The following KCNT1 variants were observed in gnomAD, a reference collection of about 807,000 sequenced individuals.
The protein encoded by KCNT1 is potassium channel subfamily T member 1.
KCNT1 carries 78 observed loss-of-function variants against 147.8 expected under a neutral mutation model. The observed-to-expected ratio is 0.53, with a 90% CI of 0.44 to 0.64. KCNT1 has a LOEUF of 0.64. Among genes scored for constraint, KCNT1 ranks in the 30% least tolerant of loss-of-function variants. The pLI, the probability that KCNT1 is intolerant of heterozygous loss-of-function variation, is 0.00. For missense variants in KCNT1, 1,419 were observed against 1,750.3 expected, an observed-to-expected ratio of 0.81 and a Z score of 3.38; for synonymous variants, 867 against 748.8, an observed-to-expected ratio of 1.16 and a Z score of -2.58.
rs2131418622 is a variant in KCNT1, at chr9:135,752,853, T to A, written c.435-1084T>A. 7.0e-6 allele frequency among the ~76,000 whole-genome samples: 1 copy of A among 142,454 alleles called. No homozygotes were observed. The highest frequency in any genetic ancestry group is 2.3e-4 in the South Asian group (1 of 4,336). The allele number at this position is 142,454 out of a possible 152,430, so 93.5% of individuals were successfully genotyped here. ...GATGTTGGATGGAGGGATGAGTGAA[T>A]GGGTGGAGGGATGAGTGGATGGATG... On this transcript the variant is annotated intron_variant, in intron 4 of 30. Transcript: ENST00000371757. The surrounding 1 kb of genome is among the most constrained non-coding windows in gnomAD (Gnocchi z 5.1).
intron 18 of KCNT1, among the ~76,000 whole-genome samples, chr9:135,772,259 AG>A: frequency 6.6e-6 from 1 of 152,148 alleles, no homozygotes; most frequent in Non-Finnish European, 1.5e-5. Flanking sequence ...CCATACCTAG[AG>A]GTCCACAACC....
At chr9:135,751,488 G>A (rs898591701) in intron 4 of KCNT1, among the ~76,000 whole-genome samples, 6 of 152,086 alleles carry the variant, frequency 3.9e-5, no homozygotes, top group African/African-American at 1.2e-4. Flanking sequence ...AGGGCCCATC[G>A]TCCTGGGGCC....
At chr9:135,704,776 C>T (rs1054475411) in intron 1 of KCNT1, among the ~76,000 whole-genome samples, 2 of 152,248 alleles carry the variant, frequency 1.3e-5, no homozygotes, top group African/African-American at 4.8e-5. Context: ...CTGGCCAGCC[C>T]TCCAGGCCCA....
intron 18 of KCNT1, 88 bp from the exon 19 acceptor site, chr9:135,772,627 A>C: frequency 1.0e-6 from 1 of 992,182 alleles, no homozygotes; most frequent in South Asian, 2.6e-5. Context: ...GGGTCTCCAG[A>C]GCTGACTGTG....
rs544546168 is a variant in KCNT1 at position 135,739,600 on chromosome 9, C to T, written c.255-10498C>T. Among the ~76,000 whole-genome samples, 28 of 152,232 alleles carry T rather than the reference C, an allele frequency of 1.8e-4. No individual in the cohort carries two copies. In the East Asian group the frequency reaches 4.3e-3, roughly 23 times the overall value. ...CCTCTTCATGGTGTTCACACCGGCTCGGCACACCCCTTCCCCTGGGCCTGA... is the reference window on the plus strand; with the variant it reads ...CCTCTTCATGGTGTTCACACCGGCTTGGCACACCCCTTCCCCTGGGCCTGA... On this transcript the variant is annotated intron_variant, in intron 2 of 30. Transcript: ENST00000371757.
At chr9:135,784,174 G>A (rs765910523) in intron 25 of KCNT1, 49 bp downstream of exon 25, 28 of 1,389,706 alleles carry the variant, frequency 2.0e-5, no homozygotes, top group Admixed American at 5.0e-5. Context: ...TGGGACCCCC[G>A]TCATGCCCTC....
chr9:135,723,779 G>A (rs537027455), intron 2 of KCNT1, among the ~76,000 whole-genome samples: 9 of 152,322 alleles, frequency 5.9e-5, no homozygotes, highest in South Asian at 4.1e-4. Context: ...AGGCATCACC[G>A]CCTTCAGTGC....
chr9:135,774,909 T>TCCAGTCCCCC (rs375933924), intron 19 of KCNT1, among the ~76,000 whole-genome samples: 8 of 152,098 alleles, frequency 5.3e-5, no homozygotes, highest in African/African-American at 1.9e-4. Context: ...CTCGGTCTCC[T>TCCAGTCCCCC]CCAGTCCCCC....
At position 135,702,235 on chromosome 9, in the gene KCNT1, G is replaced by T. The variant is rs1416386967; in HGVS notation, c.-24G>T. ...CGGCTCCCACTCGCTTCTCCCTCGGGTCGGGTCCGAGCTGCCAGGCCGCAT... is the reference window on the plus strand; with the variant it reads ...CGGCTCCCACTCGCTTCTCCCTCGGTTCGGGTCCGAGCTGCCAGGCCGCAT... On this transcript the variant is annotated 5_prime_UTR_variant, in exon 1 of 31. Transcript: ENST00000371757. The T allele has an allele frequency of 1.3e-6, 2 of 1,571,334 alleles. No homozygotes were observed. The highest frequency in any genetic ancestry group is 1.1e-5 in the South Asian group (1 of 90,178).
At position 135,702,373 on chromosome 9, in the gene KCNT1, A is replaced by C. The variant is rs768926196; in HGVS notation, c.110+5A>C. 1 of 1,607,238 alleles carries C rather than the reference A, an allele frequency of 6.2e-7. No individual in the cohort carries two copies. The highest frequency in any genetic ancestry group is 8.5e-7 in the Non-Finnish European group (1 of 1,175,844). Reference sequence around the variant, plus strand: ...CGACGGCCAATGCGCCCCCAGGTACAGTCTGCTGCGCCCTCCCCACGCGGG... The same window carrying C: ...CGACGGCCAATGCGCCCCCAGGTACCGTCTGCTGCGCCCTCCCCACGCGGG... On this transcript the variant is annotated splice_donor_5th_base_variant and intron_variant, in intron 1 of 30. Transcript: ENST00000371757.
Position 135,775,208 on chromosome 9 carries a change from G to A in KCNT1, c.2244-102G>A, listed in dbSNP as rs573250765. Reference sequence around the variant, plus strand: ...CGTGACCCCGAGCAACGTGGCTGTGGGTGGAGTGGGTGCCCTCGAGTCCCC... The same window carrying A: ...CGTGACCCCGAGCAACGTGGCTGTGAGTGGAGTGGGTGCCCTCGAGTCCCC... On this transcript the variant is annotated intron_variant, in intron 19 of 30. Transcript: ENST00000371757. The A allele has an allele frequency of 2.4e-5, 18 of 759,088 alleles. No individual in the cohort carries two copies. The South Asian group carries it at 3.4e-4, about 15-fold the overall frequency. The allele number at this position is 759,088 out of a possible 1,614,324, so 47.0% of individuals were successfully genotyped here.
At position 135,791,597 on chromosome 9, in the gene KCNT1, C is replaced by T. The variant is rs1834532470; in HGVS notation, c.3503-200C>T. The stretch of plus-strand genomic sequence containing the variant: ...CTCCCAGCTGCCCTCCTGGCTGTCC[C>T]CTGCCCTGTGTGGAGATGGGACAGG... On this transcript the variant is annotated intron_variant, in intron 29 of 30. Transcript: ENST00000371757. The T allele has an allele frequency of 1.2e-5, 7 of 576,050 alleles. No homozygotes were observed. The South Asian group carries it at 1.4e-4, about 11-fold the overall frequency. 35.7% of individuals were successfully genotyped at this position (576,050 alleles called of 1,614,324 possible). A position where few individuals can be genotyped will look rare whatever the true frequency, so the allele number is the denominator to read the frequency against.
chr9:135,785,011 C>T (rs1367758598), intron 27 of KCNT1, 122 bp downstream of exon 27: 5 of 1,425,308 alleles, frequency 3.5e-6, no homozygotes, highest in Non-Finnish European at 4.7e-6. Flanking sequence ...ACAGCATCCC[C>T]ACCTTCAGTG....
rs554183779 is a variant in KCNT1 at position 135,730,765 on chromosome 9, C to T, written c.254+16045C>T. On this transcript the variant is annotated intron_variant, in intron 2 of 30. Transcript: ENST00000371757. The surrounding 1 kb of genome is among the most constrained non-coding windows in gnomAD (Gnocchi z 4.7). ...CTTTGGGAGGCCAAGGCAGGCAGAT[C>T]TCTCGAGCTCAGGAGTTCCAGACCA... is the stretch of plus-strand genomic sequence containing the variant. Among the ~76,000 whole-genome samples the T allele has an allele frequency of 6.6e-6, 1 of 152,212 alleles. No individual in the cohort carries two copies. Among genetic ancestry groups the T allele is most frequent in the African/African-American group, 2.4e-5 (1 of 41,532 alleles).
In KCNT1 at chr9:135,792,124, C is replaced by T. The variant is rs769083534; in HGVS notation, c.3671C>T (p.Ser1224Phe). ...RKSSCSHKLS[S>F]CNPETRDETQ... is the part of the protein sequence containing the mutation. ...AGCAGCTGCAGCCACAAGCTGTCGTCCTGCAACCCCGAGACTCGCGACGAG... is the reference window on the plus strand; with the variant it reads ...AGCAGCTGCAGCCACAAGCTGTCGTTCTGCAACCCCGAGACTCGCGACGAG... Residue 1224 changes from serine (S) to phenylalanine (F), a missense_variant, in exon 31 of 31, where the codon TCC becomes TTC. By Grantham distance (155) the Ser-to-Phe change is radical. Transcript: ENST00000371757. The T allele has an allele frequency of 3.7e-6, 6 of 1,605,948 alleles. No homozygotes were observed. The highest frequency in any genetic ancestry group is 3.3e-5 in the Admixed American group (2 of 59,892).
chr9:135,786,608 C>G, intron 29 of KCNT1, 87 bp downstream of exon 29: 1 of 1,276,972 alleles, frequency 7.8e-7, no homozygotes, highest in Non-Finnish European at 1.0e-6. Context: ...CACGGCGTCC[C>G]GGGGCCCGGG....
At chr9:135,733,031 C>G (rs796263420) in intron 2 of KCNT1, among the ~76,000 whole-genome samples, 11 of 152,120 alleles carry the variant, frequency 7.2e-5, no homozygotes, top group African/African-American at 2.7e-4. Flanking sequence ...GTGTGGGGAG[C>G]AGCACCGCCT....
intron 12 of KCNT1, 32 bp downstream of exon 12, chr9:135,765,227 C>T: frequency 2.5e-6 from 4 of 1,594,868 alleles, no homozygotes; most frequent in Non-Finnish European, 2.6e-6. Flanking sequence ...CAGCAGACGA[C>T]TCCCTCCCGG....
intron 24 of KCNT1, among the ~76,000 whole-genome samples, chr9:135,780,794 G>C (rs1328505412): frequency 6.6e-6 from 1 of 152,234 alleles, no homozygotes; most frequent in Non-Finnish European, 1.5e-5. Flanking sequence ...AAGTTCACAG[G>C]ATTCTGTGTT....
Sources: gnomAD v4.1 joint callset for allele counts (sites outside exome capture counted in the v4.1 genomes callset) on GRCh38, gnomAD v4.1.1 for gene constraint, Gnocchi (gnomAD v3.1) non-coding constraint, MANE v1.5 for transcripts, NCBI Gene and HGNC (gene_info 2026-07-23, HGNC 2026-07-21) for gene names.